Variants in ATP6V1A observed in about 807,000 individuals in gnomAD.
ATP6V1A encodes the protein ATPase H+ transporting V1 subunit A.
Under a neutral mutation model 70.1 loss-of-function variants are expected in ATP6V1A, and 18 were observed. The observed-to-expected ratio is 0.26, with a 90% CI of 0.18 to 0.38. ATP6V1A has a LOEUF of 0.38. Ranked by LOEUF, ATP6V1A falls within the 10% of genes least tolerant of loss-of-function variation. The probability of loss-of-function intolerance (pLI) is 1.00; values close to 1 mark genes in which losing one functional copy is unlikely to be tolerated. For synonymous variants in ATP6V1A, 232 were observed against 253.8 expected (o/e 0.91, Z 0.82); for missense variants, 424 against 772.4 (o/e 0.55, Z 5.35).
chr3:113,790,828 C>T (rs1709084556), intron 8 of ATP6V1A, among the ~76,000 whole-genome samples: 2 of 152,166 alleles, frequency 1.3e-5, no homozygotes, highest in African/African-American at 2.4e-5. Flanking sequence ...TTTCTACTGC[C>T]TTTAAACTTT....
intron 14 of ATP6V1A, 106 bp downstream of exon 14, chr3:113,805,631 T>C (rs1709268148): frequency 4.4e-6 from 5 of 1,125,836 alleles, no homozygotes; most frequent in East Asian, 2.6e-5. Context: ...TGCAGTGGCA[T>C]GATCTTGTCT....
intron 1 of ATP6V1A, among the ~76,000 whole-genome samples, chr3:113,754,031 C>A (rs572995625): frequency 6.6e-6 from 1 of 151,928 alleles, no homozygotes; most frequent in Non-Finnish European, 1.5e-5. Flanking sequence ...TGGTTGTCAC[C>A]GTTGGAAAGA....
In ATP6V1A at chr3:113,793,315, G is replaced by A. The variant is rs1365962997; in HGVS notation, c.989-1557G>A. Among the ~76,000 whole-genome samples, 3 of 152,062 alleles carry A rather than the reference G, an allele frequency of 2.0e-5. No individual in the cohort carries two copies. The East Asian group carries it at 5.8e-4, about 29-fold the overall frequency. On this transcript the variant is annotated intron_variant, in intron 8 of 14. Transcript: ENST00000273398. The stretch of plus-strand genomic sequence containing the variant: ...TGACCTCGGGGGATCTGCCCACCTT[G>A]GCCTCCCAAAGTGCTGGGATTACAG...
rs148066017 is a variant in ATP6V1A, at chr3:113,749,056, C to G, written c.-14+1943C>G. On this transcript the variant is annotated intron_variant, in intron 1 of 14. Transcript: ENST00000273398. ...ACCAAAATGTGAAAGAGAAAACCAGCTAGAAGCATTGACTACTAGAGGGGA... is the reference window on the plus strand; with the variant it reads ...ACCAAAATGTGAAAGAGAAAACCAGGTAGAAGCATTGACTACTAGAGGGGA... Among the ~76,000 whole-genome samples, 814 of 152,188 alleles carry G rather than the reference C, an allele frequency of 5.3e-3. 5 individuals carry two copies. The highest frequency in any genetic ancestry group is 0.013 in the Admixed American group (195 of 15,276).
intron 8 of ATP6V1A, among the ~76,000 whole-genome samples, chr3:113,790,431 CAT>C (rs1491231897): frequency 1.3e-5 from 2 of 151,288 alleles, no homozygotes; most frequent in Non-Finnish European, 2.9e-5. Flanking sequence ...TTTTTCACTA[CAT>C]GTTTTATCAT....
At position 113,809,607 on chromosome 3, in the gene ATP6V1A, T is replaced by G; in HGVS notation, c.*180T>G. 1.9e-6 allele frequency: 1 copy of G among 518,608 alleles called. No individual in the cohort carries two copies. Among genetic ancestry groups the G allele is most frequent in the Admixed American group, 3.2e-5 (1 of 30,866 alleles). 32.1% of individuals were successfully genotyped at this position (518,608 alleles called of 1,614,324 possible). On this transcript the variant is annotated 3_prime_UTR_variant, in exon 15 of 15. Coordinates refer to ENST00000273398, the MANE Select transcript of ATP6V1A (RefSeq NM_001690.4). Reference sequence around the variant, plus strand: ...GGTCTTATATAAAACAAACATTCCTTTGTTCTAGTGTTGTGAAGGGCCTCC... The same window carrying G: ...GGTCTTATATAAAACAAACATTCCTGTGTTCTAGTGTTGTGAAGGGCCTCC...
chr3:113,803,521 A>C, intron 12 of ATP6V1A, 62 bp from the exon 13 acceptor site: 1 of 1,214,934 alleles, frequency 8.2e-7, no homozygotes, highest in South Asian at 1.3e-5. Flanking sequence ...CTTGTTAATT[A>C]ATTGCCACCA....
chr3:113,806,641 G>A (rs1398286357), intron 14 of ATP6V1A, among the ~76,000 whole-genome samples: 1 of 151,994 alleles, frequency 6.6e-6, no homozygotes, highest in Non-Finnish European at 1.5e-5. Flanking sequence ...TGTATTTTTA[G>A]TAGAGACGGG....
chr3:113,770,223 A>ATT (rs1278947952), intron 1 of ATP6V1A, among the ~76,000 whole-genome samples: 2 of 151,800 alleles, frequency 1.3e-5, no homozygotes, highest in East Asian at 3.9e-4. Flanking sequence ...TAATTTTTGT[A>ATT]TTTTTTGGTA....
intron 12 of ATP6V1A, among the ~76,000 whole-genome samples, chr3:113,800,017 G>C (rs917057186): frequency 7.9e-5 from 12 of 152,122 alleles, no homozygotes; most frequent in Non-Finnish European, 1.5e-4. Flanking sequence ...AGATCAACGA[G>C]GTCAGGAGTT....
intron 1 of ATP6V1A, among the ~76,000 whole-genome samples, chr3:113,751,313 G>A (rs977004701): frequency 1.3e-5 from 2 of 151,706 alleles, no homozygotes; most frequent in Non-Finnish European, 2.9e-5. Context: ...TGATTCACAA[G>A]GGTTAGTAGT....
intron 1 of ATP6V1A, among the ~76,000 whole-genome samples, chr3:113,751,361 A>G (rs1162349776): frequency 2.0e-5 from 3 of 151,920 alleles, no homozygotes; most frequent in Non-Finnish European, 2.9e-5. Context: ...AACAGTAAGT[A>G]TAGCTATCAT....
chr3:113,771,429 CTTTTTTTTTTTTT>C (rs772278685), intron 1 of ATP6V1A, among the ~76,000 whole-genome samples: 3 of 112,590 alleles, frequency 2.7e-5, no homozygotes, highest in Non-Finnish European at 3.6e-5. Context: ...ATATTTTTCT[CTTTTTTTTTTTTT>C]TTTTTTTTTT....
intron 1 of ATP6V1A, among the ~76,000 whole-genome samples, chr3:113,770,556 A>G (rs539496300): frequency 1.8e-4 from 27 of 152,084 alleles, no homozygotes; most frequent in South Asian, 1.5e-3. Flanking sequence ...GCTCGTGCCT[A>G]TAGTCCCAGC....
intron 1 of ATP6V1A, among the ~76,000 whole-genome samples, chr3:113,749,962 A>G (rs1167588088): frequency 6.6e-6 from 1 of 152,232 alleles, no homozygotes; most frequent in African/African-American, 2.4e-5. Flanking sequence ...TTGTTTACTA[A>G]TAAGTATGGT....
At chr3:113,773,041 AC>A (rs1708866406) in intron 1 of ATP6V1A, among the ~76,000 whole-genome samples, 1 of 145,200 alleles carries the variant, frequency 6.9e-6, no homozygotes, top group Admixed American at 7.2e-5. Context: ...GGGTTCAAGC[AC>A]TTCTCCTGCC....
At chr3:113,801,566 C>G (rs1209371196) in intron 12 of ATP6V1A, among the ~76,000 whole-genome samples, 43 of 152,028 alleles carry the variant, frequency 2.8e-4, no homozygotes, top group Admixed American at 2.8e-3. Context: ...ATATTTATCC[C>G]CAAAGAAATT....
At chr3:113,774,380 G>A (rs1385997238) in intron 1 of ATP6V1A, among the ~76,000 whole-genome samples, 1 of 152,108 alleles carries the variant, frequency 6.6e-6, no homozygotes, top group Non-Finnish European at 1.5e-5. Flanking sequence ...TTTCTGTTAG[G>A]CATACTGTTA....
chr3:113,778,781 C>G lies in ATP6V1A; in HGVS notation c.28C>G (p.Leu10Val). 1.3e-6 allele frequency: 2 copies of G among 1,594,280 alleles called. No individual in the cohort carries two copies. Among genetic ancestry groups the G allele is most frequent in the Non-Finnish European group, 1.7e-6 (2 of 1,170,766 alleles). Reference sequence around the variant, plus strand: ...GGATTTTTCCAAGCTACCCAAAATACTCGATGAAGATAAAGAAAGCACATT... The same window carrying G: ...GGATTTTTCCAAGCTACCCAAAATAGTCGATGAAGATAAAGAAAGCACATT... MDFSKLPKILDEDKESTFGY... is the reference protein window; with the variant it reads MDFSKLPKIVDEDKESTFGY... The change falls in exon 2 of 15, where the codon CTC becomes GTC. Residue 10 changes from leucine (L) to valine (V), a missense_variant. By Grantham distance (32) the Leu-to-Val change is conservative. This residue lies in a region of ATP6V1A where 21 missense variants were observed against 20.4 expected (regional missense o/e 1.03). Coordinates refer to ENST00000273398, the MANE Select transcript of ATP6V1A (RefSeq NM_001690.4).
Sources: allele counts gnomAD v4.1 joint callset (sites outside exome capture counted in the v4.1 genomes callset), GRCh38; gene constraint gnomAD v4.1.1; regional missense constraint gnomAD v4.1.1; transcripts MANE v1.5; gene names NCBI Gene and HGNC (gene_info 2026-07-23, HGNC 2026-07-21).